Variants in ATL2 observed in about 807,000 individuals in gnomAD.
ATL2 encodes atlastin GTPase 2, also known as atlastin-2.
ATL2 carries 31 observed loss-of-function variants against 73.9 expected under a neutral mutation model. The observed-to-expected ratio is 0.42, with a 90% confidence interval of 0.32 to 0.57. ATL2 has a LOEUF of 0.57. Among genes scored for constraint, ATL2 ranks in the 20% least tolerant of loss-of-function variants. The pLI, the probability that ATL2 is intolerant of heterozygous loss-of-function variation, is 0.14. For missense variants in ATL2, 738 were observed against 702.6 expected, an observed-to-expected ratio of 1.05 and a Z score of -0.57; for synonymous variants, 291 against 237.5, an observed-to-expected ratio of 1.23 and a Z score of -2.07.
At chr2:38,308,073 C>T (rs956166184) in intron 9 of ATL2, among the ~76,000 whole-genome samples, 6 of 152,080 alleles carry the variant, frequency 3.9e-5, no homozygotes, top group Admixed American at 2.6e-4. Context: ...AAAAATAAAA[C>T]GACCATATGA....
chr2:38,365,891 G>A (rs1411915840), intron 1 of ATL2, among the ~76,000 whole-genome samples: 1 of 151,962 alleles, frequency 6.6e-6, no homozygotes, highest in African/African-American at 2.4e-5. Flanking sequence ...AGGTTGCAGT[G>A]AGCCAAGATC....
intron 1 of ATL2, among the ~76,000 whole-genome samples, chr2:38,346,677 T>C (rs764133128): frequency 5.3e-5 from 8 of 152,202 alleles, no homozygotes; most frequent in African/African-American, 9.7e-5. Context: ...CGCGCTCCTA[T>C]GAGAATCTGA....
intron 2 of ATL2, among the ~76,000 whole-genome samples, chr2:38,337,059 C>T (rs1669398656): frequency 6.6e-6 from 1 of 151,958 alleles, no homozygotes; most frequent in African/African-American, 2.4e-5. Flanking sequence ...CTATAACCAA[C>T]AATCAGTATC....
At chr2:38,315,463 T>A (rs760296853) in intron 4 of ATL2, 129 bp from the exon 5 acceptor site, 14 of 900,792 alleles carry the variant, frequency 1.6e-5, no homozygotes, top group Middle Eastern at 2.8e-4. Flanking sequence ...AACTACTATC[T>A]TGACAACTGA....
At chr2:38,322,805 A>C (rs956044954) in intron 2 of ATL2, among the ~76,000 whole-genome samples, 1 of 152,150 alleles carries the variant, frequency 6.6e-6, no homozygotes, top group Non-Finnish European at 1.5e-5. Context: ...CTTGAGCCCA[A>C]AAGTTCAAGG....
rs527893700 is a variant in ATL2, at chr2:38,365,072, TGTAAA to T, written c.118+12066_118+12070del. On this transcript the variant is annotated intron_variant, in intron 1 of 12. Transcript: ENST00000378954. ...AAAAAAAAAAAATTACTTTAAGAGT[TGTAAA>T]GTATCAAGCCATAAAAGAACTCTGA... 2.1e-3 allele frequency among the ~76,000 whole-genome samples: 311 copies of T among 149,418 alleles called. 2 individuals are homozygous for T. Among genetic ancestry groups the T allele is most frequent in the South Asian group, 4.0e-3 (19 of 4,718 alleles).
chr2:38,309,917 AAC>A (rs1251376437), intron 8 of ATL2, among the ~76,000 whole-genome samples: 2 of 152,198 alleles, frequency 1.3e-5, no homozygotes, highest in Non-Finnish European at 2.9e-5. Flanking sequence ...ATGTTTTGCC[AAC>A]ACACTCAAAA....
chr2:38,318,553 A>G lies in ATL2; in HGVS notation c.585T>C (p.Thr195=), dbSNP rs1025607478. The change falls in exon 4 of 13, where the codon ACT becomes ACC. Residue 195 remains threonine (T), a synonymous_variant. Transcript: ENST00000378954. ...GTCTCACCTGGACAGAGCTAGTCATAGTGCTCAGAGCAAACACCGTTGCAC... is the reference window on the plus strand; with the variant it reads ...GTCTCACCTGGACAGAGCTAGTCATGGTGCTCAGAGCAAACACCGTTGCAC... ...KDCATVFALS[T]MTSSVQVYNL... is the part of the protein sequence containing the mutation. 1.2e-6 allele frequency: 2 copies of G among 1,606,840 alleles called. No individual in the cohort carries two copies. Among genetic ancestry groups the G allele is most frequent in the East Asian group, 2.2e-5 (1 of 44,834 alleles).
intron 1 of ATL2, chr2:38,358,514 C>A (rs28698560): frequency 0.074 from 21,239 of 286,750 alleles, 3,459 homozygotes; most frequent in African/African-American, 0.39. Flanking sequence ...CACAGGGAAA[C>A]CCCGTCTCTA....
intron 12 of ATL2, chr2:38,296,725 C>G (rs1666915738): frequency 6.4e-7 from 1 of 1,551,810 alleles, no homozygotes; most frequent in Non-Finnish European, 8.7e-7. Flanking sequence ...AAGAGAAATG[C>G]AAAGAAATTT....
chr2:38,297,146 A>T (rs1666940312), intron 12 of ATL2, among the ~76,000 whole-genome samples: 1 of 152,196 alleles, frequency 6.6e-6, no homozygotes, highest in Non-Finnish European at 1.5e-5. Flanking sequence ...ACAAAATCCA[A>T]ATTAATATAG....
At chr2:38,355,420 T>C (rs1484966260) in intron 1 of ATL2, among the ~76,000 whole-genome samples, 1 of 152,128 alleles carries the variant, frequency 6.6e-6, no homozygotes, top group African/African-American at 2.4e-5. Context: ...CTGGCCATAC[T>C]GTATATTAGA....
chr2:38,304,818 C>G (rs961998127), intron 9 of ATL2, among the ~76,000 whole-genome samples: 1 of 152,060 alleles, frequency 6.6e-6, no homozygotes, highest in Non-Finnish European at 1.5e-5. Flanking sequence ...GAAATTAAAA[C>G]ATACCACCAG....
At position 38,352,221 on chromosome 2, in the gene ATL2, C is replaced by G. The variant is rs138578085; in HGVS notation, c.119-8709G>C. Reference sequence around the variant, plus strand: ...AAAGTAGTAAAAATCACCCCCAATTCTATTTTGCATTTTTTAAAACACAGG... The same window carrying G: ...AAAGTAGTAAAAATCACCCCCAATTGTATTTTGCATTTTTTAAAACACAGG... On this transcript the variant is annotated intron_variant, in intron 1 of 12. Transcript: ENST00000378954. Among the ~76,000 whole-genome samples the G allele has an allele frequency of 6.5e-4, 93 of 144,148 alleles. 1 individual carries two copies. Among genetic ancestry groups the G allele is most frequent in the African/African-American group, 2.3e-3 (90 of 39,666 alleles). 94.6% of individuals were successfully genotyped at this position (144,148 alleles called of 152,430 possible).
chr2:38,296,812 T>C, intron 12 of ATL2: 8 of 1,463,604 alleles, frequency 5.5e-6, no homozygotes, highest in Non-Finnish European at 7.4e-6. Context: ...AATGATTTTA[T>C]ACACTTTAGA....
chr2:38,376,417 G>C (rs1002232356), intron 1 of ATL2: 3 of 386,534 alleles, frequency 7.8e-6, no homozygotes. Flanking sequence ...AGAGTGATCA[G>C]GCCTTACTAT....
chr2:38,296,621 G>C, intron 12 of ATL2: 6 of 1,610,892 alleles, frequency 3.7e-6, no homozygotes, highest in East Asian at 4.5e-5. Flanking sequence ...TTAGGAGAAT[G>C]AATCAGAGTG....
chr2:38,370,943 G>C (rs2124499374), intron 1 of ATL2, among the ~76,000 whole-genome samples: 1 of 151,486 alleles, frequency 6.6e-6, no homozygotes, highest in South Asian at 2.1e-4. Context: ...GTGCAACAAG[G>C]CTAGCCCCTA....
At chr2:38,365,519 A>G (rs1322537180) in intron 1 of ATL2, among the ~76,000 whole-genome samples, 1 of 152,148 alleles carries the variant, frequency 6.6e-6, no homozygotes, top group African/African-American at 2.4e-5. Flanking sequence ...GGCCAGGAGC[A>G]GTGACTCACA....
Sources: allele counts gnomAD v4.1 joint callset (sites outside exome capture counted in the v4.1 genomes callset), GRCh38; gene constraint gnomAD v4.1.1; transcripts MANE v1.5; gene names NCBI Gene and HGNC (gene_info 2026-07-23, HGNC 2026-07-21).